Variants in GLB1 observed in about 807,000 individuals in gnomAD.
GLB1 encodes the protein galactosidase beta 1.
GLB1 carries 56 observed loss-of-function variants against 74.0 expected under a neutral mutation model. The observed-to-expected ratio is 0.76, with a 90% CI of 0.61 to 0.94. The LOEUF (loss-of-function observed/expected upper bound fraction) is 0.94, where lower values mean the gene tolerates loss of function less well. GLB1 is among the 40% of genes least tolerant of loss of function. The probability of loss-of-function intolerance (pLI) is 0.00; values close to 1 mark genes in which losing one functional copy is unlikely to be tolerated. For synonymous variants in GLB1, 323 were observed against 323.6 expected (o/e 1.00, Z 0.02); for missense variants, 787 against 845.5 (o/e 0.93, Z 0.86).
At chr3:33,069,720 TTTC>T (rs1699823562) in intron 2 of GLB1, among the ~76,000 whole-genome samples, 1 of 152,246 alleles carries the variant, frequency 6.6e-6, no homozygotes, top group African/African-American at 2.4e-5. Flanking sequence ...TGAACATGAC[TTTC>T]TTGACTGACC....
intron 10 of GLB1, chr3:33,034,421 T>G: frequency 1.4e-6 from 1 of 739,834 alleles, no homozygotes; most frequent in Non-Finnish European, 2.5e-6. Flanking sequence ...ATCAGGTGGC[T>G]GTGACAACCT....
chr3:33,030,389 G>C (rs1399298691), intron 10 of GLB1: 4 of 623,510 alleles, frequency 6.4e-6, no homozygotes, highest in Non-Finnish European at 8.0e-6. Flanking sequence ...GAAACGAAGA[G>C]ACCAGTACTA....
chr3:33,076,106 TG>T (rs200608983), intron 1 of GLB1, among the ~76,000 whole-genome samples: 1,547 of 152,054 alleles, frequency 0.01, 13 homozygotes, highest in Non-Finnish European at 0.017. Flanking sequence ...TAATTGGTCT[TG>T]GGAGGAACCC....
intron 10 of GLB1, chr3:33,029,957 A>G (rs935014297): frequency 3.1e-4 from 7 of 22,400 alleles, no homozygotes; most frequent in African/African-American, 8.0e-4. Flanking sequence ...AAAAGTTAAG[A>G]AAAAAAAAAA....
rs114650439 is a variant in GLB1 at position 33,035,291 on chromosome 3, G to C, written c.1068+10829C>G. On this transcript the variant is annotated intron_variant, in intron 10 of 15. Coordinates refer to ENST00000307363, the MANE Select transcript of GLB1 (RefSeq NM_000404.4). ...TACAAAAAAATTAAAAATTAGACAG[G>C]TGTGGTGGCGCACACCTGTAGTTCT... Among the ~76,000 whole-genome samples, 418 of 152,126 alleles carry C rather than the reference G, an allele frequency of 2.7e-3. 5 individuals are homozygous for C. The highest frequency in any genetic ancestry group is 9.7e-3 in the African/African-American group (402 of 41,506).
intron 1 of GLB1, chr3:33,092,669 C>G: frequency 7.1e-7 from 1 of 1,403,602 alleles, no homozygotes; most frequent in Non-Finnish European, 9.3e-7. Context: ...CTGAACATGC[C>G]AGGCAGGCCC....
intron 11 of GLB1, 39 bp downstream of exon 11, chr3:33,024,212 T>C (rs1697632353): frequency 3.2e-6 from 5 of 1,575,736 alleles, no homozygotes; most frequent in Admixed American, 3.6e-5. Flanking sequence ...CTCACTCCCA[T>C]CTCTCACTTT....
the GLB1 span, among the ~76,000 whole-genome samples, chr3:32,984,852 G>T: frequency 1.8e-4 from 27 of 152,066 alleles, 1 homozygote; most frequent in South Asian, 5.4e-3. Context: ...TGAGGCAGGA[G>T]AATCACTTTA....
chr3:32,989,426 C>A, the GLB1 span, among the ~76,000 whole-genome samples: 3 of 152,228 alleles, frequency 2.0e-5, no homozygotes, highest in Non-Finnish European at 4.4e-5. Context: ...AGTGTCAAAA[C>A]ATGAATTAAA....
Position 32,997,347 on chromosome 3 carries a change from GGA to G in GLB1, c.1735-5_1735-4del, listed in dbSNP as rs745361874. The G allele has an allele frequency of 9.9e-6, 16 of 1,612,212 alleles. No individual in the cohort carries two copies. Among genetic ancestry groups the G allele is most frequent in the Admixed American group, 3.3e-5 (2 of 59,972 alleles). On this transcript the variant is annotated splice_region_variant and splice_polypyrimidine_tract_variant and intron_variant, in intron 15 of 15. Transcript: ENST00000307363. ...AAGCCATTAATCCAGACCTGGCCCT[GGA>G]GAGAGAGAGACAGAGAACCATCAAC...
chr3:33,026,915 C>T (rs541076521), intron 10 of GLB1, among the ~76,000 whole-genome samples: 306 of 152,338 alleles, frequency 2.0e-3, no homozygotes, highest in African/African-American at 6.3e-3. Flanking sequence ...TCATCTTGCT[C>T]ACCCTCCACT....
At chr3:33,018,403 C>A (rs1697329408) in intron 13 of GLB1, 45 bp downstream of exon 13, 1 of 1,593,286 alleles carries the variant, frequency 6.3e-7, no homozygotes, top group Non-Finnish European at 8.6e-7. Context: ...CTGCTCATCC[C>A]CACCCTCACT....
At chr3:33,075,830 G>A (rs534092740) in intron 1 of GLB1, among the ~76,000 whole-genome samples, 21 of 151,978 alleles carry the variant, frequency 1.4e-4, no homozygotes, top group South Asian at 4.2e-4. Context: ...TCACGAGGTC[G>A]GGAGATCGAG....
At chr3:32,963,324 T>C in the GLB1 span, among the ~76,000 whole-genome samples, 1 of 151,996 alleles carries the variant, frequency 6.6e-6, no homozygotes, top group Non-Finnish European at 1.5e-5. Context: ...ATTGGAAAAA[T>C]AGAAGTTCTA....
intron 15 of GLB1, among the ~76,000 whole-genome samples, chr3:33,006,400 C>A (rs1696790511): frequency 6.6e-6 from 1 of 152,106 alleles, no homozygotes; most frequent in African/African-American, 2.4e-5. Flanking sequence ...GGAACAGTTT[C>A]ATCCCAAAAC....
At chr3:33,009,144 A>AATAAATAAATAT (rs1430874464) in intron 15 of GLB1, among the ~76,000 whole-genome samples, 1 of 151,162 alleles carries the variant, frequency 6.6e-6, no homozygotes, top group African/African-American at 2.4e-5. Context: ...TAAATAAATA[A>AATAAATAAATAT]ATAAATAAAT....
At chr3:33,084,842 A>G (rs1179746664) in intron 1 of GLB1, among the ~76,000 whole-genome samples, 1 of 152,232 alleles carries the variant, frequency 6.6e-6, no homozygotes, top group Admixed American at 6.5e-5. Flanking sequence ...CATTCAGGGA[A>G]AAAAACAAAA....
In GLB1 at chr3:33,046,241, C is replaced by T. The variant is rs747023649; in HGVS notation, c.956-9G>A. On this transcript the variant is annotated splice_polypyrimidine_tract_variant and intron_variant, in intron 9 of 15. Coordinates refer to ENST00000307363, the MANE Select transcript of GLB1 (RefSeq NM_000404.4). ...ATAGGGTGAGTTGGCCCCTAGAAGA[C>T]AAAAATGTGCCACTAGTTATTACTG... 6.2e-7 allele frequency: 1 copy of T among 1,613,752 alleles called. No homozygotes were observed. The highest frequency in any genetic ancestry group is 1.1e-5 in the South Asian group (1 of 91,048).
In GLB1 at chr3:33,068,210, A is replaced by G. The variant is rs1484137422; in HGVS notation, c.457+20T>C. The G allele has an allele frequency of 6.2e-7, 1 of 1,613,890 alleles. No individual in the cohort carries two copies. Among genetic ancestry groups the G allele is most frequent in the East Asian group, 2.2e-5 (1 of 44,880 alleles). Reference sequence around the variant, plus strand: ...GCTGAAGCTTTTATAAATCTTCTCAAGACATCTGTAACAACCTACCTGGGT... The same window carrying G: ...GCTGAAGCTTTTATAAATCTTCTCAGGACATCTGTAACAACCTACCTGGGT... On this transcript the variant is annotated intron_variant, in intron 4 of 15. Coordinates refer to ENST00000307363, the MANE Select transcript of GLB1 (RefSeq NM_000404.4).
Sources: gnomAD v4.1 joint callset for allele counts (sites outside exome capture counted in the v4.1 genomes callset) on GRCh38, gnomAD v4.1.1 for gene constraint, MANE v1.5 for transcripts, NCBI Gene and HGNC (gene_info 2026-07-23, HGNC 2026-07-21) for gene names.